SLC35E1: variants seen among roughly 807,000 people sequenced by gnomAD.
SLC35E1 encodes solute carrier family 35 member E1.
Under a neutral mutation model 31.0 loss-of-function variants are expected in SLC35E1, and 12 were observed. The observed-to-expected ratio is 0.39, with a 90% confidence interval of 0.25 to 0.63. The LOEUF is 0.63. Ranked by LOEUF, SLC35E1 falls within the 20% of genes least tolerant of loss-of-function variation. SLC35E1 has a pLI of 0.52. For synonymous variants in SLC35E1, 257 were observed against 264.1 expected (o/e 0.97, Z 0.26); for missense variants, 429 against 572.2 (o/e 0.75, Z 2.55).
At chr19:16,561,535 A>G (rs915165587) in intron 4 of SLC35E1, among the ~76,000 whole-genome samples, 6 of 152,100 alleles carry the variant, frequency 3.9e-5, no homozygotes, top group African/African-American at 1.4e-4. Context: ...ATTCTGTCCA[A>G]GTTTTGAAAC....
chr19:16,554,760 G>T (rs2085866453), intron 5 of SLC35E1, among the ~76,000 whole-genome samples: 1 of 144,782 alleles, frequency 6.9e-6, no homozygotes, highest in South Asian at 2.3e-4. Flanking sequence ...GGAGGTTGCA[G>T]TAAGCTGGGA....
At chr19:16,554,845 A>C (rs1485723064) in intron 5 of SLC35E1, among the ~76,000 whole-genome samples, 1 of 151,306 alleles carries the variant, frequency 6.6e-6, no homozygotes, top group African/African-American at 2.4e-5. Context: ...AAAAAAGAAA[A>C]GGAAAAGAAG....
intron 4 of SLC35E1, 75 bp downstream of exon 4, chr19:16,566,457 C>T: frequency 6.3e-7 from 1 of 1,594,394 alleles, no homozygotes; most frequent in Non-Finnish European, 8.6e-7. Flanking sequence ...TAACATGCAG[C>T]TACAGCTCCT....
chr19:16,565,542 G>A, intron 4 of SLC35E1: 1 of 153,464 alleles, frequency 6.5e-6, no homozygotes, highest in South Asian at 1.5e-4. Context: ...TTTTGACACG[G>A]AGTCTCCCTC....
chr19:16,553,789 G>A lies in SLC35E1; in HGVS notation c.1123C>T (p.Pro375Ser). The change falls in exon 6 of 6, where the codon CCC becomes TCC. Residue 375 changes from proline (P) to serine (S), a missense_variant. Coordinates refer to ENST00000595753, the MANE Select transcript of SLC35E1 (RefSeq NM_024881.5). ...CCGTACTGATAGTCCCCGTGCTGGG[G>A]GAAGAGGAGGCCGTTGTGGGGCTTC... ...LEKPHNGLLFPQHGDYQYGRN... is the reference protein window; with the variant it reads ...LEKPHNGLLFSQHGDYQYGRN... 7.4e-6 allele frequency: 12 copies of A among 1,613,988 alleles called. No homozygotes were observed. The highest frequency in any genetic ancestry group is 1.0e-5 in the Non-Finnish European group (12 of 1,179,934).
Position 16,553,722 on chromosome 19 carries a change from T to C in SLC35E1, c.1190A>G (p.Gln397Arg). ...ILTDHFQYSR[Q>R]SYPNSYSLNR... ...CAAACTGTACGAGTTTGGGTAGCTC[T>C]GCCGGCTGTATTGGAAGTGGTCTGT... Residue 397 changes from glutamine (Q) to arginine (R), a missense_variant, in exon 6 of 6, where the codon CAG becomes CGG. Gln to Arg is a conservative substitution (Grantham distance 43). Transcript: ENST00000595753. The C allele has an allele frequency of 3.1e-6, 5 of 1,599,612 alleles. No homozygotes were observed. Among genetic ancestry groups the C allele is most frequent in the Non-Finnish European group, 3.4e-6 (4 of 1,170,192 alleles).
chr19:16,553,436 C>G lies in SLC35E1; in HGVS notation c.*243G>C. The G allele has an allele frequency of 5.8e-6, 2 of 345,494 alleles. No homozygotes were observed. The highest frequency in any genetic ancestry group is 1.0e-5 in the Non-Finnish European group (2 of 191,860). 21.4% of individuals were successfully genotyped at this position (345,494 alleles called of 1,614,324 possible). ...GACACGGCCCTCAGATGACAGACTC[C>G]AGGAAGAAAGAGCATGAGACACTGG... On this transcript the variant is annotated 3_prime_UTR_variant, in exon 6 of 6. Transcript: ENST00000595753.
At position 16,572,112 on chromosome 19, in the gene SLC35E1, CG is replaced by C; in HGVS notation, c.252del (p.Ala85ArgfsTer73). 2.6e-6 allele frequency: 4 copies of C among 1,511,478 alleles called. No homozygotes were observed. The highest frequency in any genetic ancestry group is 1.5e-5 in the African/African-American group (1 of 68,552). 93.6% of individuals were successfully genotyped at this position (1,511,478 alleles called of 1,614,324 possible). A position where few individuals can be genotyped will look rare whatever the true frequency, so the allele number is the denominator to read the frequency against. ...PPLLRAWRVP[P>X]APPVSGPGPS... is the part of the protein sequence containing the mutation. ...GGTCCGGGGCCCGAGACGGGCGGCGCGGGGGGCACGCGCCAGGCGCGCAGCA... is the reference window on the plus strand; with the variant it reads ...GGTCCGGGGCCCGAGACGGGCGGCGCGGGGGCACGCGCCAGGCGCGCAGCA... On this transcript the variant is annotated frameshift_variant, in exon 1 of 6. Coordinates refer to ENST00000595753, the MANE Select transcript of SLC35E1 (RefSeq NM_024881.5). LOFTEE classifies it high-confidence loss of function. This position sits in a 1 kb window ranked among gnomAD's most constrained non-coding sequence, Gnocchi z 4.1.
intron 2 of SLC35E1, among the ~76,000 whole-genome samples, 169 bp from the exon 3 acceptor site, chr19:16,568,338 A>G (rs2085941974): frequency 6.6e-6 from 1 of 152,182 alleles, no homozygotes; most frequent in Non-Finnish European, 1.5e-5. Flanking sequence ...GGCTGGGGGC[A>G]GGTGGTTATC....
intron 1 of SLC35E1, 29 bp from the exon 2 acceptor site, chr19:16,571,611 G>A (rs770777773): frequency 9.9e-6 from 16 of 1,612,042 alleles, no homozygotes; most frequent in Non-Finnish European, 1.3e-5. Context: ...GCACTCAGGG[G>A]GCTGCCTGAA....
chr19:16,561,304 A>C (rs1249529464), intron 4 of SLC35E1, among the ~76,000 whole-genome samples: 2 of 149,354 alleles, frequency 1.3e-5, no homozygotes, highest in Non-Finnish European at 3.0e-5. Flanking sequence ...GAGGGTTAGG[A>C]GTCTCCTTTC....
chr19:16,556,056 A>G (rs2085873642), intron 4 of SLC35E1, among the ~76,000 whole-genome samples: 1 of 152,058 alleles, frequency 6.6e-6, no homozygotes, highest in Admixed American at 6.6e-5. Context: ...TCTCTATTAA[A>G]AATACAAAAT....
At chr19:16,554,561 C>T (rs931051025) in intron 5 of SLC35E1, among the ~76,000 whole-genome samples, 1 of 152,126 alleles carries the variant, frequency 6.6e-6, no homozygotes, top group Admixed American at 6.5e-5. Context: ...TGGCTCATGC[C>T]TGTAATCCCT....
At chr19:16,567,283 A>T (rs1401967020) in intron 3 of SLC35E1, among the ~76,000 whole-genome samples, 5 of 152,178 alleles carry the variant, frequency 3.3e-5, no homozygotes. Flanking sequence ...GGCCTCCCAA[A>T]GTGCTGGGAT....
At chr19:16,554,842 A>G (rs941676867) in intron 5 of SLC35E1, among the ~76,000 whole-genome samples, 10 of 148,750 alleles carry the variant, frequency 6.7e-5, no homozygotes, top group African/African-American at 2.2e-4. Context: ...AAAAAAAAAG[A>G]AAAGGAAAAG....
intron 4 of SLC35E1, 189 bp downstream of exon 4, chr19:16,566,343 A>C (rs1193713514): frequency 2.8e-6 from 2 of 711,990 alleles, no homozygotes; most frequent in Non-Finnish European, 4.5e-6. Context: ...GGAAATACAC[A>C]GGAAACCCAC....
chr19:16,559,463 T>TACAC (rs61643316), intron 4 of SLC35E1, among the ~76,000 whole-genome samples: 3,835 of 142,352 alleles, frequency 0.027, 163 homozygotes, highest in African/African-American at 0.091. Context: ...CTACAAAAAA[T>TACAC]ACACACACAC....
chr19:16,553,559 T>TG lies in SLC35E1; in HGVS notation c.*119dup, dbSNP rs2085856767. On this transcript the variant is annotated 3_prime_UTR_variant, in exon 6 of 6. Coordinates refer to ENST00000595753, the MANE Select transcript of SLC35E1 (RefSeq NM_024881.5). ...GGGCCAGGAACCCCAGGGCTTCTGA[T>TG]GGAGAGTTATGCACCGTCCCCTCGG... 1.1e-6 allele frequency: 1 copy of TG among 930,574 alleles called. No individual in the cohort carries two copies. The highest frequency in any genetic ancestry group is 1.5e-6 in the Non-Finnish European group (1 of 663,120). 57.6% of individuals were successfully genotyped at this position (930,574 alleles called of 1,614,324 possible). A position where few individuals can be genotyped will look rare whatever the true frequency, so the allele number is the denominator to read the frequency against.
intron 4 of SLC35E1, among the ~76,000 whole-genome samples, chr19:16,561,765 C>G (rs942786176): frequency 3.9e-5 from 6 of 152,112 alleles, no homozygotes; most frequent in Admixed American, 1.3e-4. Flanking sequence ...TCTGTGTAGT[C>G]TATGTGGGAG....
Sources: gnomAD v4.1 joint callset for allele counts (sites outside exome capture counted in the v4.1 genomes callset) on GRCh38, gnomAD v4.1.1 for gene constraint, Gnocchi (gnomAD v3.1) non-coding constraint, MANE v1.5 for transcripts, NCBI Gene and HGNC (gene_info 2026-07-23, HGNC 2026-07-21) for gene names.